CDC14A: variants seen among roughly 807,000 people sequenced by gnomAD.
CDC14A encodes the protein cell division cycle 14A.
In CDC14A, 53 loss-of-function variants were observed where a neutral mutation model predicts 74.4. That is an observed-to-expected ratio of 0.71 (90% confidence interval 0.57 to 0.89). The LOEUF (loss-of-function observed/expected upper bound fraction) is 0.89. Ranked by LOEUF, CDC14A falls within the 40% of genes least tolerant of loss-of-function variation. CDC14A has a pLI of 0.00. For missense variants in CDC14A, 646 were observed against 713.7 expected (o/e 0.91, Z 1.08); for synonymous variants, 247 against 258.4 (o/e 0.96, Z 0.43).
At chr1:100,415,233 G>A (rs2101053442) in intron 4 of CDC14A, among the ~76,000 whole-genome samples, 1 of 152,214 alleles carries the variant, frequency 6.6e-6, no homozygotes, top group South Asian at 2.1e-4. Context: ...CCATGAGAGG[G>A]GTGAGAGAGT....
In CDC14A at chr1:100,387,729, A is replaced by G. The variant is rs115021426; in HGVS notation, c.217-3003A>G. 5.2e-3 allele frequency among the ~76,000 whole-genome samples: 794 copies of G among 152,310 alleles called. 7 individuals carry two copies. Among genetic ancestry groups the G allele is most frequent in the African/African-American group, 0.018 (762 of 41,576 alleles). ...AATAATATTTATAGCTATACAGTGA[A>G]AAGAAAGTCTTCCTCAGAGTTCTGT... On this transcript the variant is annotated intron_variant, in intron 3 of 15. Coordinates refer to ENST00000336454, the MANE Select transcript of CDC14A (RefSeq NM_003672.4).
chr1:100,369,989 A>AG (rs1654229982), intron 2 of CDC14A, among the ~76,000 whole-genome samples: 1 of 147,948 alleles, frequency 6.8e-6, no homozygotes, highest in African/African-American at 2.5e-5. Context: ...TAAAAAAAAA[A>AG]ATTTTTTTTT....
At chr1:100,516,475 T>C (rs933165355) in intron 15 of CDC14A, among the ~76,000 whole-genome samples, 5 of 152,212 alleles carry the variant, frequency 3.3e-5, no homozygotes, top group Admixed American at 2.0e-4. Context: ...CTGATTTCTG[T>C]TAGTGATAAC....
chr1:100,471,033 G>A lies in CDC14A; in HGVS notation c.977+2939G>A, dbSNP rs1465976749. Among the ~76,000 whole-genome samples the A allele has an allele frequency of 2.0e-5, 3 of 151,938 alleles. No individual in the cohort carries two copies. In the South Asian group the frequency reaches 6.2e-4, roughly 31 times the overall value. ...AAAATTAGAAATCATCCAAATGTCC[G>A]TCAACAATTTATGAGTGAATATATC... On this transcript the variant is annotated intron_variant, in intron 10 of 15. Transcript: ENST00000336454.
At chr1:100,362,963 G>GT (rs1652968756) in intron 2 of CDC14A, among the ~76,000 whole-genome samples, 1 of 152,208 alleles carries the variant, frequency 6.6e-6, no homozygotes, top group Admixed American at 6.5e-5. Flanking sequence ...GGAGTCCAAA[G>GT]GGAAAAGCGG....
intron 8 of CDC14A, among the ~76,000 whole-genome samples, chr1:100,458,680 G>A (rs945343671): frequency 1.4e-5 from 2 of 143,904 alleles, no homozygotes; most frequent in African/African-American, 5.6e-5. Context: ...TTACAGTGAC[G>A]TCTTGGTAAT....
At chr1:100,376,548 G>A (rs1217544565) in intron 2 of CDC14A, among the ~76,000 whole-genome samples, 2 of 152,184 alleles carry the variant, frequency 1.3e-5, no homozygotes, top group African/African-American at 4.8e-5. Context: ...TTGAGTTCCA[G>A]GTGACGGAAG....
chr1:100,491,572 A>AT (rs59429516), intron 11 of CDC14A, among the ~76,000 whole-genome samples: 293 of 25,130 alleles, frequency 0.012, 29 homozygotes, highest in African/African-American at 0.015. Flanking sequence ...ATATATATAT[A>AT]TTTTTTTTTT....
rs186869844 is a variant in CDC14A, at chr1:100,486,440, T to A, written c.1137+1989T>A. On this transcript the variant is annotated intron_variant, in intron 11 of 15. Transcript: ENST00000336454. The stretch of plus-strand genomic sequence containing the variant: ...CTCCCCCGTCTTAGTCCATTTGGGC[T>A]GCTGTAACAAAACACTACAGGCTAG... Among the ~76,000 whole-genome samples the A allele has an allele frequency of 1.8e-4, 27 of 152,344 alleles. No homozygotes were observed. The East Asian group carries it at 5.2e-3, about 29-fold the overall frequency.
rs1652846680 is a variant in CDC14A, at chr1:100,362,181, AC to A, written c.140+8331del. On this transcript the variant is annotated intron_variant, in intron 2 of 15. Coordinates refer to ENST00000336454, the MANE Select transcript of CDC14A (RefSeq NM_003672.4). ...TTTGTGATCTTTAAGCGGAAAATAG[AC>A]CGTGTCTGTCCTGGATATTTAAAAT... Among the ~76,000 whole-genome samples, 3 of 152,268 alleles carry A rather than the reference AC, an allele frequency of 2.0e-5. No individual in the cohort carries two copies. The South Asian group carries it at 6.2e-4, about 32-fold the overall frequency.
chr1:100,420,063 C>CTATATATATATATAT (rs1553180531), intron 4 of CDC14A, among the ~76,000 whole-genome samples: 4 of 61,566 alleles, frequency 6.5e-5, no homozygotes, highest in Non-Finnish European at 1.5e-4. Flanking sequence ...CACACACACA[C>CTATATATATATATAT]ATATATATAT....
chr1:100,388,638 G>A lies in CDC14A; in HGVS notation c.217-2094G>A, dbSNP rs1363958007. Among the ~76,000 whole-genome samples, 6 of 152,176 alleles carry A rather than the reference G, an allele frequency of 3.9e-5. No individual in the cohort carries two copies. In the East Asian group the frequency reaches 1.2e-3, roughly 29 times the overall value. The stretch of plus-strand genomic sequence containing the variant: ...TTGTTTGTTTTTGAGACAAATTCTT[G>A]TTCTGTTGCCCAGGCTGTACTGCTG... On this transcript the variant is annotated intron_variant, in intron 3 of 15. Coordinates refer to ENST00000336454, the MANE Select transcript of CDC14A (RefSeq NM_003672.4).
At chr1:100,499,932 C>T (rs1287132053) in intron 15 of CDC14A, among the ~76,000 whole-genome samples, 1 of 152,154 alleles carries the variant, frequency 6.6e-6, no homozygotes, top group Non-Finnish European at 1.5e-5. Flanking sequence ...AGCCAGCACT[C>T]TTCTAGAGAA....
At chr1:100,370,512 T>C (rs552269581) in intron 2 of CDC14A, among the ~76,000 whole-genome samples, 2 of 152,304 alleles carry the variant, frequency 1.3e-5, no homozygotes, top group Non-Finnish European at 2.9e-5. Context: ...GGAGACCAGT[T>C]TCATTCTTTT....
chr1:100,495,398 A>G (rs1228409390), intron 12 of CDC14A, among the ~76,000 whole-genome samples: 1 of 152,264 alleles, frequency 6.6e-6, no homozygotes, highest in Non-Finnish European at 1.5e-5. Context: ...CTGTAAAGTT[A>G]TAAGCCATCT....
chr1:100,369,625 GACCTTTGTCAGAT>G (rs1308569292), intron 2 of CDC14A, among the ~76,000 whole-genome samples: 16 of 151,870 alleles, frequency 1.1e-4, no homozygotes, highest in Admixed American at 1.0e-3. Context: ...CTAGATATTA[GACCTTTGTCAGAT>G]ACATAGTTTG....
chr1:100,438,551 G>A (rs938253975), intron 5 of CDC14A, among the ~76,000 whole-genome samples: 1 of 152,146 alleles, frequency 6.6e-6, no homozygotes, highest in Non-Finnish European at 1.5e-5. Context: ...TATTTGAAAA[G>A]GGGGCTATTT....
Position 100,421,736 on chromosome 1 carries a change from G to A in CDC14A, c.310-2486G>A, listed in dbSNP as rs1662381951. Among the ~76,000 whole-genome samples, 8 of 152,298 alleles carry A rather than the reference G, an allele frequency of 5.3e-5. No homozygotes were observed. The South Asian group carries it at 1.4e-3, about 28-fold the overall frequency. ...CTGTGGGCTTTGGAGTCAGCCCACT[G>A]TTCGAATTCTGTTTTCATCCTAGAG... On this transcript the variant is annotated intron_variant, in intron 4 of 15. Transcript: ENST00000336454.
chr1:100,346,783 ACTTT>A (rs1033812936), intron 1 of CDC14A, among the ~76,000 whole-genome samples: 1 of 152,220 alleles, frequency 6.6e-6, no homozygotes, highest in Admixed American at 6.5e-5. Context: ...ACCTCATGGA[ACTTT>A]CTTTTACCTT....
Sources: gnomAD v4.1 joint callset for allele counts (sites outside exome capture counted in the v4.1 genomes callset) on GRCh38, gnomAD v4.1.1 for gene constraint, MANE v1.5 for transcripts, NCBI Gene and HGNC (gene_info 2026-07-23, HGNC 2026-07-21) for gene names.